RWDD4: variants seen among roughly 807,000 people sequenced by gnomAD.
RWDD4 encodes RWD domain-containing protein 4.
In RWDD4, 16 loss-of-function variants were observed where a neutral mutation model predicts 30.0. The ratio of observed to expected loss-of-function variants is 0.53; its 90% confidence interval spans 0.36 to 0.81. The LOEUF is 0.81. Ranked by LOEUF, RWDD4 falls within the 30% of genes least tolerant of loss-of-function variation. The probability of loss-of-function intolerance (pLI) is 0.00; values close to 1 mark genes in which losing one functional copy is unlikely to be tolerated. For missense variants in RWDD4, 170 were observed against 223.9 expected (o/e 0.76, Z 1.54); for synonymous variants, 45 against 72.1 (o/e 0.62, Z 1.90).
intron 2 of RWDD4, 88 bp downstream of exon 2, chr4:183,655,793 C>T: frequency 1.4e-6 from 1 of 733,530 alleles, no homozygotes; most frequent in Non-Finnish European, 2.3e-6. Context: ...TAAATTTAAA[C>T]AAGTTTAAAA....
At chr4:183,650,109 A>G (rs2111240610) in intron 4 of RWDD4, among the ~76,000 whole-genome samples, 1 of 152,348 alleles carries the variant, frequency 6.6e-6, no homozygotes, top group Non-Finnish European at 1.5e-5. Flanking sequence ...TTTTCCATAT[A>G]CCACACATTT....
intron 7 of RWDD4, among the ~76,000 whole-genome samples, chr4:183,642,181 T>TA (rs1371452817): frequency 8.5e-6 from 1 of 117,542 alleles, no homozygotes; most frequent in South Asian, 2.7e-4. Context: ...TTTCCATTCT[T>TA]AAAATTTTTT....
In RWDD4 at chr4:183,651,217, C is replaced by T; in HGVS notation, c.215+1G>A. The T allele has an allele frequency of 5.0e-6, 8 of 1,613,502 alleles. No homozygotes were observed. Among genetic ancestry groups the T allele is most frequent in the Non-Finnish European group, 6.8e-6 (8 of 1,179,600 alleles). On this transcript the variant is annotated splice_donor_variant, in intron 3 of 7. Coordinates refer to ENST00000326397, the MANE Select transcript of RWDD4 (RefSeq NM_152682.4). LOFTEE classifies it high-confidence loss of function. The stretch of plus-strand genomic sequence containing the variant: ...AGCAGTAAAAACAAGACACTACTCA[C>T]ATGGTGTTGTTAAAAAAAGCGTTCA...
At chr4:183,648,324 A>G (rs1433961143) in intron 5 of RWDD4, among the ~76,000 whole-genome samples, 1 of 152,166 alleles carries the variant, frequency 6.6e-6, no homozygotes, top group Non-Finnish European at 1.5e-5. Context: ...TTAACCTGAC[A>G]TAGTAGCACA....
Position 183,649,131 on chromosome 4 carries a change from C to A in RWDD4, c.481+320G>T, listed in dbSNP as rs562969559. 7.2e-5 allele frequency among the ~76,000 whole-genome samples: 11 copies of A among 151,942 alleles called. No individual in the cohort carries two copies. The South Asian group carries it at 2.3e-3, about 32-fold the overall frequency. ...ATCTGGGTTATAAAAGAAAAAAAAA[C>A]GGCTGGGCGTGGTGGCTCACGCCTG... On this transcript the variant is annotated intron_variant, in intron 5 of 7. Transcript: ENST00000326397.
chr4:183,645,599 C>CA (rs11310523), intron 7 of RWDD4, among the ~76,000 whole-genome samples: 21,864 of 111,264 alleles, frequency 0.2, 1,968 homozygotes, highest in East Asian at 0.28. Context: ...TCTGTCTCTG[C>CA]AAAAAAAAAA....
chr4:183,655,612 A>G (rs923164591), intron 2 of RWDD4, among the ~76,000 whole-genome samples: 1 of 152,180 alleles, frequency 6.6e-6, no homozygotes, highest in Non-Finnish European at 1.5e-5. Flanking sequence ...GTTAAAGATA[A>G]GATTAAATAA....
At chr4:183,642,223 T>G (rs1178514972) in intron 7 of RWDD4, among the ~76,000 whole-genome samples, 4 of 119,896 alleles carry the variant, frequency 3.3e-5, no homozygotes, top group Non-Finnish European at 6.5e-5. Context: ...AGAGTCTCGC[T>G]CTGTCGCCCA....
chr4:183,646,278 TAAA>T, intron 7 of RWDD4, 70 bp downstream of exon 7: 2 of 632,302 alleles, frequency 3.2e-6, no homozygotes, highest in Non-Finnish European at 5.6e-6. Context: ...TTCCATTACT[TAAA>T]AAAAAAAAAG....
In RWDD4 at chr4:183,646,487, C is replaced by T; in HGVS notation, c.531+1G>A. On this transcript the variant is annotated splice_donor_variant, in intron 6 of 7. Coordinates refer to ENST00000326397, the MANE Select transcript of RWDD4 (RefSeq NM_152682.4). LOFTEE classifies it high-confidence loss of function. ...AAGACTAGAATATAAATGTTATATA[C>T]CTTCACAACATCAACCCAGTTCCAG... 4.3e-6 allele frequency: 7 copies of T among 1,611,938 alleles called. No homozygotes were observed. Among genetic ancestry groups the T allele is most frequent in the Non-Finnish European group, 5.9e-6 (7 of 1,179,422 alleles).
In RWDD4 at chr4:183,641,422, T is replaced by C; in HGVS notation, c.*14A>G. 2 of 1,597,810 alleles carry C rather than the reference T, an allele frequency of 1.3e-6. No homozygotes were observed. On this transcript the variant is annotated 3_prime_UTR_variant, in exon 8 of 8. Coordinates refer to ENST00000326397, the MANE Select transcript of RWDD4 (RefSeq NM_152682.4). ...CTTTAAAGAATGCTCTTTCCTTGTC[T>C]CAAATTCCAAGTGCTACTCATCATC...
At chr4:183,652,419 T>A (rs6816515) in intron 2 of RWDD4, among the ~76,000 whole-genome samples, 48,272 of 144,262 alleles carry the variant, frequency 0.33, 8,352 homozygotes, top group African/African-American at 0.42. Flanking sequence ...GGGGTCCAGC[T>A]GATCACGGGG....
At chr4:183,658,602 C>A (rs1257640977) in intron 1 of RWDD4, among the ~76,000 whole-genome samples, 1 of 152,242 alleles carries the variant, frequency 6.6e-6, no homozygotes, top group Non-Finnish European at 1.5e-5. Context: ...ATCAGCCTAA[C>A]TCAGTAAACA....
intron 1 of RWDD4, among the ~76,000 whole-genome samples, chr4:183,657,193 G>T (rs932052253): frequency 6.6e-6 from 1 of 152,040 alleles, no homozygotes; most frequent in African/African-American, 2.4e-5. Flanking sequence ...ATAAAACACC[G>T]ACTATATAGA....
At position 183,650,977 on chromosome 4, in the gene RWDD4, T is replaced by C. The variant is rs762664723; in HGVS notation, c.363+7A>G. The C allele has an allele frequency of 4.4e-6, 7 of 1,606,568 alleles. No individual in the cohort carries two copies. Among genetic ancestry groups the C allele is most frequent in the African/African-American group, 4.0e-5 (3 of 74,662 alleles). On this transcript the variant is annotated splice_region_variant and intron_variant, in intron 4 of 7. Transcript: ENST00000326397. ...AGAATCCGGCAAAAAAATAATCACA[T>C]ACTCACTGCGGAATTGATGGGATTG...
At chr4:183,642,249 G>A (rs1239476139) in intron 7 of RWDD4, among the ~76,000 whole-genome samples, 1 of 84,142 alleles carries the variant, frequency 1.2e-5, no homozygotes, top group African/African-American at 7.8e-5. Flanking sequence ...GAGTGCAGTG[G>A]CGCGATCTCG....
At chr4:183,642,245 A>G (rs1253243909) in intron 7 of RWDD4, among the ~76,000 whole-genome samples, 2 of 76,932 alleles carry the variant, frequency 2.6e-5, no homozygotes, top group Non-Finnish European at 4.6e-5. Context: ...GCTGGAGTGC[A>G]GTGGCGCGAT....
At chr4:183,648,210 C>G (rs1422137301) in intron 5 of RWDD4, among the ~76,000 whole-genome samples, 6 of 146,560 alleles carry the variant, frequency 4.1e-5, no homozygotes. Context: ...GCACTCCAGC[C>G]TGGGCAACAG....
At chr4:183,649,838 T>G (rs1048926960) in intron 4 of RWDD4, among the ~76,000 whole-genome samples, 1 of 152,232 alleles carries the variant, frequency 6.6e-6, no homozygotes, top group Admixed American at 6.5e-5. Context: ...ATGTTGAAGA[T>G]CTGAGGTTCC....
Sources: gnomAD v4.1 joint callset for allele counts (sites outside exome capture counted in the v4.1 genomes callset) on GRCh38, gnomAD v4.1.1 for gene constraint, MANE v1.5 for transcripts, NCBI Gene and HGNC (gene_info 2026-07-23, HGNC 2026-07-21) for gene names.